Variants in TESK2 observed in about 807,000 individuals in gnomAD.
TESK2 encodes the protein testis associated actin remodelling kinase 2.
TESK2 carries 39 observed loss-of-function variants against 57.1 expected under a neutral mutation model. The observed-to-expected ratio is 0.68, with a 90% CI of 0.53 to 0.89. The LOEUF (loss-of-function observed/expected upper bound fraction) is 0.89, where lower values mean the gene tolerates loss of function less well. TESK2 is among the 40% of genes least tolerant of loss of function. TESK2 has a pLI of 0.00. For missense variants in TESK2, 646 were observed against 732.1 expected, an observed-to-expected ratio of 0.88 and a Z score of 1.36; for synonymous variants, 249 against 267.9, an observed-to-expected ratio of 0.93 and a Z score of 0.69.
In TESK2 at chr1:45,345,201, C is replaced by T. The variant is rs56161320; in HGVS notation, c.1355G>A (p.Arg452His). The change falls in exon 11 of 11, where the codon CGC becomes CAC. Residue 452 changes from arginine to histidine, a missense_variant. By Grantham distance (29) the Arg-to-His change is conservative. Coordinates refer to ENST00000372086, the MANE Select transcript of TESK2 (RefSeq NM_007170.3). ...CGAACCAGGCAAGGAACGCCACCGGCGAATAGGTGGGGCCAGGGGCTCCTG... is the reference window on the plus strand; with the variant it reads ...CGAACCAGGCAAGGAACGCCACCGGTGAATAGGTGGGGCCAGGGGCTCCTG... ...DWQEPLAPPI[R>H]RWRSLPGSPE... The T allele has an allele frequency of 9.3e-6, 15 of 1,614,166 alleles. No homozygotes were observed. The East Asian group carries it at 1.1e-4, about 12-fold the overall frequency.
At chr1:45,457,920 A>G in intron 1 of TESK2, 49 bp from the exon 2 acceptor site, 1 of 660,722 alleles carries the variant, frequency 1.5e-6, no homozygotes, top group Non-Finnish European at 2.6e-6. Flanking sequence ...GAATAAATAC[A>G]TGTAAAGCAA....
intron 3 of TESK2, chr1:45,415,406 C>T: frequency 1.3e-6 from 1 of 755,084 alleles, no homozygotes; most frequent in Non-Finnish European, 2.2e-6. Context: ...CAGGAGAGCA[C>T]TCCTCCACCC....
chr1:45,384,593 ATTTTTTTTTTTTTTTTT>A (rs59988269), intron 4 of TESK2, among the ~76,000 whole-genome samples: 1 of 70,866 alleles, frequency 1.4e-5, no homozygotes, highest in Non-Finnish European at 2.7e-5. Context: ...CTAATTATTA[ATTTTTTTTTTTTTTTTT>A]TTTTTTTTTT....
intron 3 of TESK2, among the ~76,000 whole-genome samples, chr1:45,402,358 CT>C (rs1649660394): frequency 6.8e-6 from 1 of 147,140 alleles, no homozygotes; most frequent in Non-Finnish European, 1.5e-5. Flanking sequence ...TACCACTGCA[CT>C]TCTCTGCCTG....
chr1:45,461,421 G>T (rs1055332676), intron 1 of TESK2, among the ~76,000 whole-genome samples: 3 of 152,068 alleles, frequency 2.0e-5, no homozygotes, highest in African/African-American at 7.2e-5. Context: ...AGAAATACAG[G>T]CTCAGAAGAT....
intron 3 of TESK2, among the ~76,000 whole-genome samples, chr1:45,407,932 A>G (rs1451483283): frequency 6.6e-6 from 1 of 152,180 alleles, no homozygotes; most frequent in African/African-American, 2.4e-5. Flanking sequence ...ACATATCAGG[A>G]AATACATAAG....
Position 45,457,693 on chromosome 1 carries a change from A to T in TESK2, c.93T>A (p.Asn31Lys). 6.2e-7 allele frequency: 1 copy of T among 1,614,098 alleles called. No homozygotes were observed. Among genetic ancestry groups the T allele is most frequent in the Non-Finnish European group, 8.5e-7 (1 of 1,180,002 alleles). The part of the protein sequence containing the change: ...EFEGGGGGEG[N>K]VSQVGRVWPS... ...GCCAAACTCTTCCCACCTGGCTCAC[A>T]TTTCCTTCTCCTCCACCACCTCCTT... The change falls in exon 2 of 11, where the codon AAT (asparagine) becomes AAA (lysine). Residue 31 changes from asparagine to lysine, a missense_variant. Asn to Lys is a moderately conservative substitution (Grantham distance 94). Coordinates refer to ENST00000372086, the MANE Select transcript of TESK2 (RefSeq NM_007170.3).
chr1:45,361,497 C>G (rs926365180), intron 4 of TESK2, among the ~76,000 whole-genome samples: 1 of 151,992 alleles, frequency 6.6e-6, no homozygotes, highest in Non-Finnish European at 1.5e-5. Context: ...TTTTCTATAC[C>G]AACTTTACCT....
chr1:45,440,450 A>G (rs1651397232), intron 2 of TESK2, among the ~76,000 whole-genome samples: 1 of 152,120 alleles, frequency 6.6e-6, no homozygotes, highest in South Asian at 2.1e-4. Flanking sequence ...GCGGTGGCTC[A>G]TGCCCGTAAT....
chr1:45,371,227 A>C (rs1363847233), intron 4 of TESK2, among the ~76,000 whole-genome samples: 1 of 152,204 alleles, frequency 6.6e-6, no homozygotes, highest in African/African-American at 2.4e-5. Context: ...TAGAACTACT[A>C]TATGGTCCAG....
chr1:45,390,051 T>C (rs1342405453), intron 3 of TESK2, among the ~76,000 whole-genome samples: 2 of 152,184 alleles, frequency 1.3e-5, no homozygotes, highest in Admixed American at 1.3e-4. Context: ...CATTTTCCCA[T>C]GAGCCTTATT....
intron 2 of TESK2, 55 bp downstream of exon 2, chr1:45,457,509 T>C (rs954710461): frequency 6.6e-7 from 1 of 1,508,512 alleles, no homozygotes; most frequent in Non-Finnish European, 9.2e-7. Flanking sequence ...ACTATCAACC[T>C]GCAGTAAATG....
intron 3 of TESK2, among the ~76,000 whole-genome samples, chr1:45,406,569 C>T (rs990208010): frequency 1.3e-5 from 2 of 152,014 alleles, no homozygotes; most frequent in South Asian, 2.1e-4. Context: ...GCAGGAGGAT[C>T]GTTTGAGCCC....
chr1:45,355,168 T>C (rs1647366774), intron 5 of TESK2, 135 bp downstream of exon 5: 3 of 1,130,896 alleles, frequency 2.7e-6, no homozygotes, highest in Middle Eastern at 2.9e-4. Context: ...GGAAAAGATG[T>C]AGGCTTTCTA....
At chr1:45,405,041 T>C (rs1649779669) in intron 3 of TESK2, among the ~76,000 whole-genome samples, 1 of 152,158 alleles carries the variant, frequency 6.6e-6, no homozygotes, top group South Asian at 2.1e-4. Context: ...TTTAGTGCCT[T>C]TGTACTGTGA....
chr1:45,426,552 C>T (rs531398255), intron 2 of TESK2, among the ~76,000 whole-genome samples: 13 of 152,076 alleles, frequency 8.5e-5, no homozygotes, highest in East Asian at 1.9e-4. Flanking sequence ...AAAGATTGCT[C>T]GAGTAATACT....
intron 3 of TESK2, among the ~76,000 whole-genome samples, chr1:45,415,875 G>T (rs928735048): frequency 6.6e-6 from 1 of 151,942 alleles, no homozygotes. Flanking sequence ...GCCACATGTA[G>T]CCCAGAATGG....
At chr1:45,386,034 G>A (rs1648878708) in intron 3 of TESK2, 74 bp from the exon 4 acceptor site, 4 of 1,208,686 alleles carry the variant, frequency 3.3e-6, no homozygotes, top group South Asian at 1.3e-5. Flanking sequence ...AATCAGGTTA[G>A]TTACCCATGC....
At chr1:45,425,858 A>C (rs1006504067) in intron 2 of TESK2, among the ~76,000 whole-genome samples, 1 of 152,046 alleles carries the variant, frequency 6.6e-6, no homozygotes. Context: ...AAAGAAAAAA[A>C]GCTGGGCCGG....
Sources: gnomAD v4.1 joint callset for allele counts (sites outside exome capture counted in the v4.1 genomes callset) on GRCh38, gnomAD v4.1.1 for gene constraint, MANE v1.5 for transcripts, NCBI Gene and HGNC (gene_info 2026-07-23, HGNC 2026-07-21) for gene names.